Variants in GRIK2 observed in about 807,000 individuals in gnomAD.
The protein encoded by GRIK2 is glutamate ionotropic receptor kainate type subunit 2.
GRIK2 carries 32 observed loss-of-function variants against 100.3 expected under a neutral mutation model. The observed-to-expected ratio is 0.32, with a 90% confidence interval of 0.24 to 0.43. The LOEUF is 0.43. GRIK2 is among the 20% of genes least tolerant of loss of function. The pLI, the probability that GRIK2 is intolerant of heterozygous loss-of-function variation, is 1.00. For missense variants in GRIK2, 843 were observed against 1,114.9 expected (o/e 0.76, Z 3.47); for synonymous variants, 417 against 389.4 (o/e 1.07, Z -0.83).
At chr6:101,890,728 A>G (rs1377919084) in intron 12 of GRIK2, among the ~76,000 whole-genome samples, 1 of 152,034 alleles carries the variant, frequency 6.6e-6, no homozygotes, top group Non-Finnish European at 1.5e-5. Context: ...ATTTATGCCT[A>G]CCTCACTATC....
intron 5 of GRIK2, among the ~76,000 whole-genome samples, chr6:101,681,535 A>G (rs974160944): frequency 1.3e-5 from 2 of 151,392 alleles, no homozygotes; most frequent in Non-Finnish European, 2.9e-5. Flanking sequence ...GCACCCAGCC[A>G]GCATTTATCC....
chr6:101,964,177 A>G (rs1207136660), intron 14 of GRIK2, among the ~76,000 whole-genome samples: 1 of 150,838 alleles, frequency 6.6e-6, no homozygotes, highest in Admixed American at 6.6e-5. Flanking sequence ...TATACATACT[A>G]TATCATTACA....
At position 101,859,323 on chromosome 6, in the gene GRIK2, C is replaced by A. The variant is rs997810319; in HGVS notation, c.1354C>A (p.Pro452Thr). Reference protein sequence around the residue: ...PYVLFKKSDKPLYGNDRFEGY... With the variant: ...PYVLFKKSDKTLYGNDRFEGY... ...TGTCCTTTTTAAGAAGTCTGACAAA[C>A]CTCTCTATGGTAATGATCGATTTGA... Residue 452 changes from proline to threonine, a missense_variant, in exon 11 of 17, where the codon CCT (proline) becomes ACT (threonine). Physicochemically the swap from Pro to Thr is conservative, Grantham distance 38. Coordinates refer to ENST00000369134, the MANE Select transcript of GRIK2 (RefSeq NM_021956.5). The A allele has an allele frequency of 6.2e-7, 1 of 1,603,764 alleles. No homozygotes were observed. Among genetic ancestry groups the A allele is most frequent in the African/African-American group, 1.3e-5 (1 of 74,786 alleles).
At chr6:101,682,664 G>T in intron 6 of GRIK2, 58 bp downstream of exon 6, 1 of 767,328 alleles carries the variant, frequency 1.3e-6, no homozygotes, top group Non-Finnish European at 2.2e-6. Context: ...TTTTTCAGAT[G>T]AAAAATAGGT....
At chr6:102,010,373 C>T (rs529230319) in intron 14 of GRIK2, among the ~76,000 whole-genome samples, 2 of 150,372 alleles carry the variant, frequency 1.3e-5, no homozygotes, top group African/African-American at 4.9e-5. Flanking sequence ...CCTCCCCCCA[C>T]TTCTTCTTTT....
At chr6:101,898,221 AAC>A (rs564700047) in intron 12 of GRIK2, among the ~76,000 whole-genome samples, 203 of 151,956 alleles carry the variant, frequency 1.3e-3, no homozygotes, top group Non-Finnish European at 2.3e-3. Context: ...CTGTTATTGT[AAC>A]ACTTTTTAAT....
chr6:101,668,430 A>G (rs934026437), intron 4 of GRIK2, among the ~76,000 whole-genome samples: 2 of 152,168 alleles, frequency 1.3e-5, no homozygotes, highest in Admixed American at 1.3e-4. Context: ...ATTGCCACAC[A>G]TTACAAAATC....
At chr6:101,457,710 T>C (rs1771085222) in intron 2 of GRIK2, among the ~76,000 whole-genome samples, 1 of 152,108 alleles carries the variant, frequency 6.6e-6, no homozygotes, top group Non-Finnish European at 1.5e-5. Context: ...TACATTAAAA[T>C]TTACAGTTTT....
At chr6:101,861,663 A>C (rs1342698624) in intron 11 of GRIK2, among the ~76,000 whole-genome samples, 1 of 152,168 alleles carries the variant, frequency 6.6e-6, no homozygotes, top group African/African-American at 2.4e-5. Flanking sequence ...AATTACTCTT[A>C]ATATTAAAAC....
At chr6:102,052,274 A>G (rs1436504759) in intron 15 of GRIK2, among the ~76,000 whole-genome samples, 1 of 152,232 alleles carries the variant, frequency 6.6e-6, no homozygotes, top group Non-Finnish European at 1.5e-5. Context: ...ATGGAAGGAC[A>G]AGTAAAACAT....
chr6:101,453,378 G>A (rs1276559145), intron 2 of GRIK2, among the ~76,000 whole-genome samples: 2 of 151,920 alleles, frequency 1.3e-5, no homozygotes, highest in Admixed American at 6.6e-5. Context: ...GGAATTGCCA[G>A]CTTTGAGGGT....
chr6:101,794,006 C>G (rs1780097545), intron 7 of GRIK2, among the ~76,000 whole-genome samples: 1 of 152,184 alleles, frequency 6.6e-6, no homozygotes, highest in African/African-American at 2.4e-5. Context: ...GCGTAGGACC[C>G]TCCGAGCCAG....
At chr6:101,955,344 AG>A (rs1382776387) in intron 14 of GRIK2, among the ~76,000 whole-genome samples, 31 of 152,124 alleles carry the variant, frequency 2.0e-4, no homozygotes, top group African/African-American at 6.8e-4. Context: ...TTTTATCTCC[AG>A]GAAGTGTTAA....
chr6:101,776,375 C>G (rs1163515034), intron 7 of GRIK2, among the ~76,000 whole-genome samples: 1 of 152,016 alleles, frequency 6.6e-6, no homozygotes, highest in Non-Finnish European at 1.5e-5. Context: ...GAGAGACAGA[C>G]ATATGTAGAA....
chr6:101,698,169 C>CT (rs11351781), intron 7 of GRIK2, among the ~76,000 whole-genome samples: 5 of 151,454 alleles, frequency 3.3e-5, no homozygotes, highest in African/African-American at 1.2e-4. Flanking sequence ...ATTGTTGATG[C>CT]TTTTTTTTCA....
intron 7 of GRIK2, among the ~76,000 whole-genome samples, chr6:101,739,132 TCA>T (rs1234693797): frequency 6.6e-6 from 1 of 152,212 alleles, no homozygotes; most frequent in Non-Finnish European, 1.5e-5. Flanking sequence ...TTACAAAATG[TCA>T]CAGTCACAGT....
At chr6:101,657,127 C>T (rs1412097878) in intron 4 of GRIK2, among the ~76,000 whole-genome samples, 1 of 152,146 alleles carries the variant, frequency 6.6e-6, no homozygotes, top group Non-Finnish European at 1.5e-5. Context: ...ATTACATTTA[C>T]TGAGTGATAT....
intron 14 of GRIK2, among the ~76,000 whole-genome samples, chr6:101,929,599 A>G (rs1224864444): frequency 6.6e-6 from 1 of 152,170 alleles, no homozygotes; most frequent in African/African-American, 2.4e-5. Flanking sequence ...ACTATCGAGG[A>G]GATTATGGTT....
At chr6:101,545,495 G>GT (rs1350498084) in intron 2 of GRIK2, among the ~76,000 whole-genome samples, 1 of 152,042 alleles carries the variant, frequency 6.6e-6, no homozygotes, top group East Asian at 1.9e-4. Context: ...AATACAGAGA[G>GT]TTTTTTTGAA....
Sources: gnomAD v4.1 joint callset for allele counts (sites outside exome capture counted in the v4.1 genomes callset) on GRCh38, gnomAD v4.1.1 for gene constraint, MANE v1.5 for transcripts, NCBI Gene and HGNC (gene_info 2026-07-23, HGNC 2026-07-21) for gene names.